Variants in MCPH1 observed in about 807,000 individuals in gnomAD.
The protein encoded by MCPH1 is microcephalin 1.
Under a neutral mutation model 84.5 loss-of-function variants are expected in MCPH1, and 104 were observed. The observed-to-expected ratio is 1.23, with a 90% CI of 1.05 to 1.45. The LOEUF (loss-of-function observed/expected upper bound fraction) is 1.45, where lower values mean the gene tolerates loss of function less well. Among genes scored for constraint, MCPH1 ranks in the 40% most tolerant of loss-of-function variants. The probability of loss-of-function intolerance (pLI) is 0.00; values close to 1 mark genes in which losing one functional copy is unlikely to be tolerated. For synonymous variants in MCPH1, 514 were observed against 366.8 expected (o/e 1.40, Z -4.58); for missense variants, 1,498 against 1,005.7 (o/e 1.49, Z -6.62).
intron 12 of MCPH1, among the ~76,000 whole-genome samples, chr8:6,543,535 C>T (rs1041645260): frequency 2.6e-5 from 4 of 152,162 alleles, no homozygotes; most frequent in East Asian, 3.8e-4. Context: ...GGAATAAACC[C>T]GCCCAAACCA....
At chr8:6,527,626 G>T (rs1335959753) in intron 12 of MCPH1, 4 of 1,613,992 alleles carry the variant, frequency 2.5e-6, no homozygotes, top group Non-Finnish European at 3.4e-6. Flanking sequence ...TGTTTGTCGA[G>T]AGGGAGTGTT....
At chr8:6,559,292 C>A (rs558968689) in intron 12 of MCPH1, among the ~76,000 whole-genome samples, 4 of 150,928 alleles carry the variant, frequency 2.7e-5, no homozygotes, top group Non-Finnish European at 5.9e-5. Flanking sequence ...GTGGGGCTAG[C>A]GGGCTGGGTT....
rs544140677 is a variant in MCPH1, at chr8:6,462,300, C to T, written c.1935+7048C>T. 4.6e-5 allele frequency among the ~76,000 whole-genome samples: 7 copies of T among 152,252 alleles called. No individual in the cohort carries two copies. The East Asian group carries it at 1.2e-3, about 25-fold the overall frequency. On this transcript the variant is annotated intron_variant, in intron 9 of 13. Transcript: ENST00000344683. ...TTACATCTTTGCTAGAATATGAGCC[C>T]ATAAGGACATAGTCTATATCCTGTT... is the stretch of plus-strand genomic sequence containing the variant.
intron 12 of MCPH1, among the ~76,000 whole-genome samples, chr8:6,505,179 T>TATATATATATATACTTATGTATATATAGA: frequency 8.2e-6 from 1 of 122,648 alleles, no homozygotes; most frequent in South Asian, 2.8e-4. Flanking sequence ...CCAAAGAATA[T>TATATATATATATACTTATGTATATATAGA]ATATATATAT....
Position 6,406,652 on chromosome 8 carries a change from G to A in MCPH1, c.-16G>A. The A allele has an allele frequency of 6.2e-7, 1 of 1,611,742 alleles. No homozygotes were observed. Among genetic ancestry groups the A allele is most frequent in the Non-Finnish European group, 8.5e-7 (1 of 1,179,404 alleles). ...AAGCACCGCGTAGGCCAGCTGGCCG[G>A]ATCCCGCCGTCTGTCATGGCGGCCC... On this transcript the variant is annotated 5_prime_UTR_variant, in exon 1 of 14. Transcript: ENST00000344683.
At chr8:6,407,013 C>A in intron 1 of MCPH1, 1 of 374,938 alleles carries the variant, frequency 2.7e-6, no homozygotes, top group South Asian at 2.3e-5. Context: ...CTGCTAGTTC[C>A]CCTCAATCCC....
chr8:6,539,381 G>C (rs552328453), intron 12 of MCPH1, among the ~76,000 whole-genome samples: 2 of 152,256 alleles, frequency 1.3e-5, no homozygotes, highest in East Asian at 3.9e-4. Context: ...TAAGGCCCTA[G>C]AAGTTGAGGC....
chr8:6,442,424 A>G (rs1196321920), intron 7 of MCPH1, among the ~76,000 whole-genome samples: 1 of 152,208 alleles, frequency 6.6e-6, no homozygotes, highest in Non-Finnish European at 1.5e-5. Flanking sequence ...GTGAACGTAT[A>G]TGAACTAATC....
rs1348268477 is a variant in MCPH1, at chr8:6,463,587, A to T, written c.1935+8335A>T. On this transcript the variant is annotated intron_variant, in intron 9 of 13. Transcript: ENST00000344683. ...TAAAAGGGTCCCAGTGGTGGGAATA[A>T]AAAGAGTACTAGATGCCCAGAGGGT... Among the ~76,000 whole-genome samples the T allele has an allele frequency of 2.0e-5, 3 of 152,148 alleles. No individual in the cohort carries two copies. In the East Asian group the frequency reaches 5.8e-4, roughly 29 times the overall value.
At chr8:6,559,288 C>G (rs981850647) in intron 12 of MCPH1, among the ~76,000 whole-genome samples, 8 of 151,248 alleles carry the variant, frequency 5.3e-5, no homozygotes, top group African/African-American at 1.9e-4. Flanking sequence ...CAGGGTGGGG[C>G]TAGCGGGCTG....
intron 13 of MCPH1, among the ~76,000 whole-genome samples, chr8:6,630,698 T>C (rs1350087711): frequency 6.6e-6 from 1 of 151,476 alleles, no homozygotes; most frequent in Non-Finnish European, 1.5e-5. Context: ...GGAGAATCGC[T>C]TGAACCTGGG....
chr8:6,549,478 C>A (rs1172143208), intron 12 of MCPH1, among the ~76,000 whole-genome samples: 1 of 152,218 alleles, frequency 6.6e-6, no homozygotes, highest in East Asian at 1.9e-4. Context: ...CCTGAGGAAG[C>A]CACGTGCAGG....
intron 12 of MCPH1, among the ~76,000 whole-genome samples, chr8:6,510,987 C>G (rs1814962528): frequency 6.6e-6 from 1 of 152,348 alleles, no homozygotes; most frequent in East Asian, 1.9e-4. Flanking sequence ...TTTTGAAACA[C>G]TGTACTTTCT....
chr8:6,506,463 C>A (rs3020210), intron 12 of MCPH1, among the ~76,000 whole-genome samples: 36,976 of 152,058 alleles, frequency 0.24, 5,858 homozygotes, highest in Middle Eastern at 0.4. Context: ...GTTATTAATG[C>A]AATTCTCCTA....
intron 12 of MCPH1, among the ~76,000 whole-genome samples, chr8:6,610,753 G>T (rs549621079): frequency 6.6e-6 from 1 of 151,990 alleles, no homozygotes; most frequent in African/African-American, 2.4e-5. Context: ...CAGGCCAGAA[G>T]TTGACAGAAC....
At chr8:6,625,857 G>T (rs1278184154) in intron 13 of MCPH1, 1 of 985,410 alleles carries the variant, frequency 1.0e-6, no homozygotes, top group Non-Finnish European at 1.2e-6. Flanking sequence ...TTGTTTTGCA[G>T]ATGTCGTAAA....
intron 13 of MCPH1, among the ~76,000 whole-genome samples, chr8:6,623,999 C>A (rs1008820233): frequency 6.6e-6 from 1 of 152,202 alleles, no homozygotes; most frequent in Non-Finnish European, 1.5e-5. Context: ...AGTGCCCGAG[C>A]CTGCCTCTGC....
chr8:6,423,630 A>G (rs181047944), intron 3 of MCPH1, among the ~76,000 whole-genome samples: 5 of 152,272 alleles, frequency 3.3e-5, no homozygotes, highest in East Asian at 1.9e-4. Flanking sequence ...ATTTTTTTCA[A>G]TTAGAAATAT....
chr8:6,576,674 ATTTTTGTATT>A (rs1827132430), intron 12 of MCPH1, among the ~76,000 whole-genome samples: 1 of 105,126 alleles, frequency 9.5e-6, no homozygotes, highest in African/African-American at 3.4e-5. Context: ...CGCTCTGCTA[ATTTTTGTATT>A]TTTTTTTTTT....
Sources: allele counts gnomAD v4.1 joint callset (sites outside exome capture counted in the v4.1 genomes callset), GRCh38; gene constraint gnomAD v4.1.1; transcripts MANE v1.5; gene names NCBI Gene and HGNC (gene_info 2026-07-23, HGNC 2026-07-21).